Variants in RANBP9 observed in about 807,000 individuals in gnomAD.
The protein encoded by RANBP9 is ran-binding protein 9.
Under a neutral mutation model 84.3 loss-of-function variants are expected in RANBP9, and 15 were observed. The observed-to-expected ratio is 0.18, with a 90% CI of 0.12 to 0.27. RANBP9 has a LOEUF of 0.27. Ranked by LOEUF, RANBP9 falls within the 10% of genes least tolerant of loss-of-function variation. RANBP9 has a pLI of 1.00. For missense variants in RANBP9, 809 were observed against 912.8 expected (o/e 0.89, Z 1.46); for synonymous variants, 392 against 349.6 (o/e 1.12, Z -1.35).
At chr6:13,639,120 A>G (rs1314933279) in intron 9 of RANBP9, among the ~76,000 whole-genome samples, 1 of 152,160 alleles carries the variant, frequency 6.6e-6, no homozygotes, top group Non-Finnish European at 1.5e-5. Context: ...ATCTGAACCT[A>G]CAATTTTTCA....
rs748419688 is a variant in RANBP9 at position 13,644,528 on chromosome 6, A to C, written c.1112+17T>G. On this transcript the variant is annotated intron_variant, in intron 6 of 13. Transcript: ENST00000011619. ...ACAGATTCTGAATAGCATCAATTGA[A>C]ATTTCTTCACTCTTACTTTTGTATC... is the stretch of plus-strand genomic sequence containing the variant. 1.2e-6 allele frequency: 2 copies of C among 1,600,902 alleles called. No homozygotes were observed. The highest frequency in any genetic ancestry group is 8.5e-7 in the Non-Finnish European group (1 of 1,172,988).
At chr6:13,664,606 A>C (rs2113295677) in intron 2 of RANBP9, among the ~76,000 whole-genome samples, 1 of 152,262 alleles carries the variant, frequency 6.6e-6, no homozygotes, top group East Asian at 1.9e-4. Flanking sequence ...TGCACATTTC[A>C]AAATAGCTAG....
chr6:13,672,387 G>C (rs1427446979), intron 2 of RANBP9, among the ~76,000 whole-genome samples: 3 of 151,976 alleles, frequency 2.0e-5, no homozygotes, highest in African/African-American at 7.2e-5. Flanking sequence ...CAATATAACA[G>C]ATTACAACTG....
chr6:13,662,755 G>A (rs1004819494), intron 2 of RANBP9, among the ~76,000 whole-genome samples: 5 of 152,062 alleles, frequency 3.3e-5, no homozygotes, highest in African/African-American at 7.2e-5. Flanking sequence ...TAAATTACCC[G>A]GCCTAAGGTG....
Position 13,711,492 on chromosome 6 carries a change from G to GGCT in RANBP9, c.11_13dup (p.Gln4dup), listed in dbSNP as rs1561702186. Reference sequence around the variant, plus strand: ...CTGCTGCTGCGGCGGCGGCGGCGGCGGCTGCCCGGACATCCCGGCCGCGAC... The same window carrying GGCT: ...CTGCTGCTGCGGCGGCGGCGGCGGCGGCTGCTGCCCGGACATCCCGGCCGCGAC... On this transcript the variant is annotated inframe_insertion, in exon 1 of 14. Coordinates refer to ENST00000011619, the MANE Select transcript of RANBP9 (RefSeq NM_005493.3). 2 of 1,244,060 alleles carry GGCT rather than the reference G, an allele frequency of 1.6e-6. No individual in the cohort carries two copies. The highest frequency in any genetic ancestry group is 3.2e-5 in the East Asian group (1 of 31,532). The allele number at this position is 1,244,060 out of a possible 1,614,324, so 77.1% of individuals were successfully genotyped here.
rs147908971 is a variant in RANBP9, at chr6:13,637,180, T to A, written c.1673+628A>T. ...GGGTCATAGTACACTGACTGAGATA[T>A]CATCTTTCAAACCTCTTCAAAGTGA... On this transcript the variant is annotated intron_variant, in intron 10 of 13. Coordinates refer to ENST00000011619, the MANE Select transcript of RANBP9 (RefSeq NM_005493.3). 3.0e-4 allele frequency among the ~76,000 whole-genome samples: 45 copies of A among 152,300 alleles called. No individual in the cohort carries two copies. The East Asian group carries it at 5.8e-3, about 20-fold the overall frequency.
intron 2 of RANBP9, among the ~76,000 whole-genome samples, chr6:13,695,760 A>T (rs887755959): frequency 6.6e-6 from 1 of 152,150 alleles, no homozygotes; most frequent in Non-Finnish European, 1.5e-5. Context: ...CAGTTACATA[A>T]AAAGCTGTCA....
At chr6:13,634,642 ATAAAC>A in intron 10 of RANBP9, 90 bp from the exon 11 acceptor site, 2 of 1,173,044 alleles carry the variant, frequency 1.7e-6, no homozygotes, top group Non-Finnish European at 1.1e-6. Context: ...TAGCCTACGA[ATAAAC>A]TAATTTCATA....
intron 5 of RANBP9, among the ~76,000 whole-genome samples, chr6:13,649,855 G>A (rs1244077829): frequency 6.6e-6 from 1 of 152,054 alleles, no homozygotes; most frequent in Non-Finnish European, 1.5e-5. Flanking sequence ...TCCCACAGCT[G>A]AAACTTTCTT....
At chr6:13,708,422 TCA>T (rs536197139) in intron 1 of RANBP9, among the ~76,000 whole-genome samples, 3 of 151,428 alleles carry the variant, frequency 2.0e-5, no homozygotes, top group African/African-American at 7.4e-5. Flanking sequence ...TGAAATCCTA[TCA>T]CACACACATA....
Position 13,711,581 on chromosome 6 carries a change from T to C in RANBP9, c.-76A>G. The stretch of plus-strand genomic sequence containing the variant: ...CTCTGCTTCCCGGGGGCGCTGTCGC[T>C]GCGGCCGCCGGCACCAGGCGCCCAG... On this transcript the variant is annotated 5_prime_UTR_variant, in exon 1 of 14. Coordinates refer to ENST00000011619, the MANE Select transcript of RANBP9 (RefSeq NM_005493.3). 8.3e-7 allele frequency: 1 copy of C among 1,202,272 alleles called. No individual in the cohort carries two copies. Among genetic ancestry groups the C allele is most frequent in the Non-Finnish European group, 1.0e-6 (1 of 961,424 alleles). 74.5% of individuals were successfully genotyped at this position (1,202,272 alleles called of 1,614,324 possible). A position where few individuals can be genotyped will look rare whatever the true frequency, so the allele number is the denominator to read the frequency against.
chr6:13,660,679 A>G (rs1765521205), intron 2 of RANBP9, among the ~76,000 whole-genome samples: 1 of 152,182 alleles, frequency 6.6e-6, no homozygotes, highest in South Asian at 2.1e-4. Flanking sequence ...ACAAAATTTT[A>G]AAAAAGAAAA....
intron 13 of RANBP9, among the ~76,000 whole-genome samples, chr6:13,623,198 A>G (rs1764503941): frequency 6.6e-6 from 1 of 152,194 alleles, no homozygotes; most frequent in Non-Finnish European, 1.5e-5. Context: ...GATGGAAAAA[A>G]ATGAACTAAT....
Position 13,681,929 on chromosome 6 carries a change from G to T in RANBP9, c.683+14856C>A, listed in dbSNP as rs541366446. Among the ~76,000 whole-genome samples the T allele has an allele frequency of 9.5e-4, 145 of 152,106 alleles. 1 individual carries two copies. In the South Asian group the frequency reaches 0.029, roughly 30 times the overall value. On this transcript the variant is annotated intron_variant, in intron 2 of 13. Transcript: ENST00000011619. The stretch of plus-strand genomic sequence containing the variant: ...GCCAGAGTGCAGTGAAGCAATCTTG[G>T]CTCACTGCAACCTCCACCTCCCAGG...
chr6:13,625,370 T>C (rs954865648), intron 13 of RANBP9, among the ~76,000 whole-genome samples: 1 of 152,142 alleles, frequency 6.6e-6, no homozygotes, highest in African/African-American at 2.4e-5. Context: ...ATGAGAGAAG[T>C]AGACATTCGT....
At chr6:13,664,094 A>G (rs1765593118) in intron 2 of RANBP9, among the ~76,000 whole-genome samples, 1 of 152,190 alleles carries the variant, frequency 6.6e-6, no homozygotes, top group Non-Finnish European at 1.5e-5. Flanking sequence ...GGCTCTATGT[A>G]CAGATGATAT....
In RANBP9 at chr6:13,686,013, C is replaced by T. The variant is rs147169824; in HGVS notation, c.683+10772G>A. ...AAGAAACGAGCAGAAGTATTGATAG[C>T]AATTAATTATACAAAAATCATGGTT... is the stretch of plus-strand genomic sequence containing the variant. On this transcript the variant is annotated intron_variant, in intron 2 of 13. Coordinates refer to ENST00000011619, the MANE Select transcript of RANBP9 (RefSeq NM_005493.3). Among the ~76,000 whole-genome samples the T allele has an allele frequency of 7.6e-3, 1,134 of 148,478 alleles. 12 individuals carry two copies. The highest frequency in any genetic ancestry group is 0.026 in the African/African-American group (1,054 of 40,362).
intron 2 of RANBP9, among the ~76,000 whole-genome samples, chr6:13,675,886 G>A (rs1281480381): frequency 6.6e-6 from 1 of 151,844 alleles, no homozygotes; most frequent in Non-Finnish European, 1.5e-5. Flanking sequence ...TTATTTAGAT[G>A]AAATGGATTT....
intron 2 of RANBP9, among the ~76,000 whole-genome samples, chr6:13,672,737 A>G (rs1765802814): frequency 6.6e-6 from 1 of 152,196 alleles, no homozygotes; most frequent in East Asian, 1.9e-4. Flanking sequence ...CAAACTGGAC[A>G]TTTTAAATAA....
Sources: allele counts gnomAD v4.1 joint callset (sites outside exome capture counted in the v4.1 genomes callset), GRCh38; gene constraint gnomAD v4.1.1; transcripts MANE v1.5; gene names NCBI Gene and HGNC (gene_info 2026-07-23, HGNC 2026-07-21).